PTPRD: variants seen among roughly 807,000 people sequenced by gnomAD.
PTPRD encodes the protein receptor-type tyrosine-protein phosphatase delta.
A neutral mutation model predicts 214.5 loss-of-function variants in PTPRD; 34 were observed. The observed-to-expected ratio is 0.16, with a 90% CI of 0.12 to 0.21. The LOEUF (loss-of-function observed/expected upper bound fraction) is 0.21, where lower values mean the gene tolerates loss of function less well. Ranked by LOEUF, PTPRD falls within the 10% of genes least tolerant of loss-of-function variation. PTPRD has a pLI of 1.00. For synonymous variants in PTPRD, 1,128 were observed against 845.7 expected, an observed-to-expected ratio of 1.33 and a Z score of -5.79; for missense variants, 2,545 against 2,398.7, an observed-to-expected ratio of 1.06 and a Z score of -1.27.
chr9:10,346,958 A>T (rs748604249), intron 2 of PTPRD, among the ~76,000 whole-genome samples: 1 of 152,220 alleles, frequency 6.6e-6, no homozygotes. Context: ...CTGCATAATT[A>T]TGATGTCATT....
At chr9:8,687,154 T>A (rs1035881702) in intron 12 of PTPRD, among the ~76,000 whole-genome samples, 8 of 152,222 alleles carry the variant, frequency 5.3e-5, no homozygotes, top group South Asian at 2.1e-4. Flanking sequence ...TATTGTTTGC[T>A]AAATCAAATT....
chr9:10,456,255 T>C (rs2098916430), intron 2 of PTPRD, among the ~76,000 whole-genome samples: 1 of 151,904 alleles, frequency 6.6e-6, no homozygotes, highest in Admixed American at 6.6e-5. Context: ...AAAGTGCTGT[T>C]TTGAAATACC....
chr9:9,194,363 T>C (rs976259619), intron 9 of PTPRD, among the ~76,000 whole-genome samples: 1 of 152,154 alleles, frequency 6.6e-6, no homozygotes, highest in African/African-American at 2.4e-5. Context: ...ACTAGTAACA[T>C]AGTCGTTTAT....
intron 2 of PTPRD, among the ~76,000 whole-genome samples, chr9:10,421,372 A>G (rs1239652040): frequency 6.6e-6 from 1 of 151,962 alleles, no homozygotes; most frequent in Non-Finnish European, 1.5e-5. Context: ...TGTTGGCAAC[A>G]TTAGATTAAA....
At chr9:8,849,584 A>T (rs1321164037) in intron 11 of PTPRD, among the ~76,000 whole-genome samples, 1 of 152,204 alleles carries the variant, frequency 6.6e-6, no homozygotes, top group African/African-American at 2.4e-5. Flanking sequence ...ACTGAGCATT[A>T]GAAAATGAGA....
intron 14 of PTPRD, among the ~76,000 whole-genome samples, chr9:8,596,012 T>C (rs2094456209): frequency 6.6e-6 from 1 of 152,202 alleles, no homozygotes. Context: ...ATCAAGGATT[T>C]TCTTAAAAGC....
At chr9:9,374,854 C>T (rs899110750) in intron 9 of PTPRD, among the ~76,000 whole-genome samples, 1 of 152,072 alleles carries the variant, frequency 6.6e-6, no homozygotes, top group Non-Finnish European at 1.5e-5. Flanking sequence ...GGTCTTAAGA[C>T]CAATCATGAA....
At chr9:8,457,071 G>C (rs957254471) in intron 33 of PTPRD, among the ~76,000 whole-genome samples, 6 of 152,126 alleles carry the variant, frequency 3.9e-5, no homozygotes, top group Non-Finnish European at 8.8e-5. Context: ...GTAGATGGAC[G>C]TGCAGTACCA....
intron 11 of PTPRD, among the ~76,000 whole-genome samples, chr9:9,015,536 C>T (rs2099531239): frequency 6.6e-6 from 1 of 152,106 alleles, no homozygotes; most frequent in African/African-American, 2.4e-5. Context: ...AATGGGCAAC[C>T]AGCTGCCTTC....
At chr9:10,251,285 C>T (rs758702598) in intron 3 of PTPRD, among the ~76,000 whole-genome samples, 1 of 152,102 alleles carries the variant, frequency 6.6e-6, no homozygotes, top group South Asian at 2.1e-4. Context: ...TCCACTATCA[C>T]TATTCAAATT....
At chr9:10,503,643 C>T (rs1026771498) in intron 2 of PTPRD, among the ~76,000 whole-genome samples, 7 of 151,812 alleles carry the variant, frequency 4.6e-5, no homozygotes, top group Non-Finnish European at 8.8e-5. Context: ...GAAAATATAG[C>T]AGTAAAGAAA....
At chr9:9,764,425 C>T (rs1322366136) in intron 6 of PTPRD, among the ~76,000 whole-genome samples, 4 of 151,930 alleles carry the variant, frequency 2.6e-5, no homozygotes, top group Non-Finnish European at 5.9e-5. Flanking sequence ...AAAACCGTTG[C>T]CCCCACTTCA....
intron 3 of PTPRD, among the ~76,000 whole-genome samples, chr9:10,148,391 C>G (rs1361055077): frequency 6.6e-6 from 1 of 152,052 alleles, no homozygotes; most frequent in Non-Finnish European, 1.5e-5. Context: ...AGACACAGTT[C>G]CTTTCTTCAA....
chr9:9,108,325 C>A (rs898855799), intron 10 of PTPRD, among the ~76,000 whole-genome samples: 1 of 152,026 alleles, frequency 6.6e-6, no homozygotes, highest in Admixed American at 6.6e-5. Flanking sequence ...ATTGTAGAAC[C>A]AACAGAAACC....
chr9:9,936,453 A>G (rs1392723143), intron 5 of PTPRD, among the ~76,000 whole-genome samples: 2 of 151,524 alleles, frequency 1.3e-5, no homozygotes, highest in African/African-American at 2.4e-5. Flanking sequence ...ACATTTATGC[A>G]GCCAAAAAAC....
intron 2 of PTPRD, among the ~76,000 whole-genome samples, chr9:10,413,023 C>T (rs1224701627): frequency 6.6e-6 from 1 of 151,810 alleles, no homozygotes; most frequent in Admixed American, 6.6e-5. Context: ...AAAGGGAAAA[C>T]CTGAAAGCTT....
chr9:9,077,628 G>A (rs1259711830), intron 10 of PTPRD, among the ~76,000 whole-genome samples: 1 of 152,010 alleles, frequency 6.6e-6, no homozygotes, highest in Non-Finnish European at 1.5e-5. Flanking sequence ...AAAGATTTGT[G>A]ACTAAATGTG....
At chr9:8,713,698 G>C in intron 12 of PTPRD, 1 of 1,513,442 alleles carries the variant, frequency 6.6e-7, no homozygotes, top group Non-Finnish European at 9.1e-7. Flanking sequence ...CATGATGGTG[G>C]AAGAGATCGC....
At chr9:9,943,991 A>G (rs1029166878) in intron 4 of PTPRD, among the ~76,000 whole-genome samples, 1 of 152,058 alleles carries the variant, frequency 6.6e-6, no homozygotes, top group African/African-American at 2.4e-5. Flanking sequence ...CTTGATTTTT[A>G]TCTTCATGTC....
Sources: gnomAD v4.1 joint callset for allele counts (sites outside exome capture counted in the v4.1 genomes callset) on GRCh38, gnomAD v4.1.1 for gene constraint, MANE v1.5 for transcripts, NCBI Gene and HGNC (gene_info 2026-07-23, HGNC 2026-07-21) for gene names.